NME9: variants seen among roughly 807,000 people sequenced by gnomAD.
The protein encoded by NME9 is thioredoxin domain-containing protein 6.
NME9 carries 48 observed loss-of-function variants against 44.4 expected under a neutral mutation model. The observed-to-expected ratio is 1.08, with a 90% CI of 0.86 to 1.37. The LOEUF is 1.37. Among genes scored for constraint, NME9 ranks in the 40% most tolerant of loss-of-function variants. The pLI is 0.00. For missense variants in NME9, 325 were observed against 405.2 expected, an observed-to-expected ratio of 0.80 and a Z score of 1.70; for synonymous variants, 139 against 147.1, an observed-to-expected ratio of 0.94 and a Z score of 0.40.
chr3:138,280,505 T>C (rs901317872), intron 8 of NME9, among the ~76,000 whole-genome samples: 6 of 144,276 alleles, frequency 4.2e-5, no homozygotes, highest in African/African-American at 1.5e-4. Flanking sequence ...TTCTTTTTTT[T>C]TTTTTTGAGA....
chr3:138,267,081 A>G lies in NME9; in HGVS notation c.746-4495T>C, dbSNP rs2048353468. The G allele has an allele frequency of 3.8e-6, 3 of 780,250 alleles. No individual in the cohort carries two copies. The Admixed American group carries it at 9.5e-5, about 25-fold the overall frequency. The allele number at this position is 780,250 out of a possible 1,614,324, so 48.3% of individuals were successfully genotyped here. ...AAGATAATTGTTCTTGTTTTTATTT[A>G]TATTTTATATCTCATTTTATATCTC... is the stretch of plus-strand genomic sequence containing the variant. On this transcript the variant is annotated intron_variant, in intron 8 of 8. Transcript: ENST00000317876.
chr3:138,299,429 A>C (rs1012171127), downstream of NME9, among the ~76,000 whole-genome samples: 6 of 152,240 alleles, frequency 3.9e-5, no homozygotes, highest in Admixed American at 3.3e-4. Context: ...TCTTAAAGCC[A>C]AAAACAGCAC....
chr3:138,267,444 A>G (rs556573453), intron 8 of NME9, among the ~76,000 whole-genome samples: 5 of 152,316 alleles, frequency 3.3e-5, no homozygotes, highest in South Asian at 2.1e-4. Context: ...TTGTTATTCT[A>G]TCTAACATAT....
intron 8 of NME9, among the ~76,000 whole-genome samples, chr3:138,279,302 C>G (rs570512340): frequency 6.2e-4 from 94 of 152,116 alleles, no homozygotes; most frequent in African/African-American, 2.1e-3. Flanking sequence ...CTTTCTTTTG[C>G]ATCTGTTGAA....
At chr3:138,295,818 C>T in intron 8 of NME9, 4 of 1,610,066 alleles carry the variant, frequency 2.5e-6, no homozygotes, top group East Asian at 2.2e-5. Flanking sequence ...ACCCCAATTA[C>T]AATTCTGAGA....
At chr3:138,300,167 G>A (rs1212371759), downstream of NME9, among the ~76,000 whole-genome samples, 1 of 152,190 alleles carries the variant, frequency 6.6e-6, no homozygotes, top group Non-Finnish European at 1.5e-5. Context: ...ATCCTGTACA[G>A]GTTCCGATGA....
At chr3:138,318,588 G>A (rs1008798281) in intron 3 of NME9, among the ~76,000 whole-genome samples, 23 of 151,826 alleles carry the variant, frequency 1.5e-4, no homozygotes, top group Non-Finnish European at 7.4e-5. Flanking sequence ...GATCCCCCAC[G>A]CAAGCCCTTC....
chr3:138,270,665 T>C (rs1377462355), intron 8 of NME9, among the ~76,000 whole-genome samples: 1 of 152,204 alleles, frequency 6.6e-6, no homozygotes, highest in Non-Finnish European at 1.5e-5. Context: ...AATTAACATG[T>C]GTATTACCTC....
In NME9 at chr3:138,315,596, CA is replaced by C; in HGVS notation, c.314del (p.Leu105ArgfsTer6). The C allele has an allele frequency of 6.5e-7, 1 of 1,536,702 alleles. No individual in the cohort carries two copies. Among genetic ancestry groups the C allele is most frequent in the Non-Finnish European group, 8.7e-7 (1 of 1,147,028 alleles). ...AVVRGANAPL[L>X]QKTILDQLEA... ...CCAGCTGGTCTAGGATGGTTTTCTG[CA>C]GCAGTGGGGCATTTGCTCCTCTAAC... On this transcript the variant is annotated frameshift_variant, in exon 5 of 11. Transcript: ENST00000333911. LOFTEE classifies it high-confidence loss of function.
chr3:138,324,301 G>A (rs765626843), intron 2 of NME9: 2 of 363,614 alleles, frequency 5.5e-6, no homozygotes, highest in Non-Finnish European at 1.1e-5. Context: ...TAACTACCGT[G>A]GTGAGACACT....
intron 8 of NME9, among the ~76,000 whole-genome samples, chr3:138,288,639 T>C (rs1248435781): frequency 6.7e-6 from 1 of 148,596 alleles, no homozygotes; most frequent in Non-Finnish European, 1.5e-5. Context: ...TTCAGACTTT[T>C]TTTTTTTTTT....
chr3:138,291,371 C>T (rs1365763662), intron 8 of NME9, among the ~76,000 whole-genome samples: 3 of 152,226 alleles, frequency 2.0e-5, no homozygotes, highest in Admixed American at 6.5e-5. Context: ...AGCACACCTT[C>T]GTGCATTTAC....
At position 138,279,273 on chromosome 3, in the gene NME9, A is replaced by AT. The variant is rs569898312; in HGVS notation, c.746-16688dup. ...TTTAAACCCCAAACATGAGCCATAG[A>AT]TTTTTTTTCAATCAATTACTTTCTT... On this transcript the variant is annotated intron_variant, in intron 8 of 8. Transcript: ENST00000317876. Among the ~76,000 whole-genome samples, 19 of 152,074 alleles carry AT rather than the reference A, an allele frequency of 1.2e-4. No individual in the cohort carries two copies. In the East Asian group the frequency reaches 2.1e-3, roughly 17 times the overall value.
At chr3:138,263,706 T>G in intron 8 of NME9, 2 of 1,548,822 alleles carry the variant, frequency 1.3e-6, no homozygotes, top group East Asian at 2.2e-5. Flanking sequence ...ACCTTCATGT[T>G]GTTATTTATG....
chr3:138,274,603 T>G, intron 8 of NME9: 1 of 1,262,824 alleles, frequency 7.9e-7, no homozygotes, highest in Non-Finnish European at 1.2e-6. Flanking sequence ...AGGAAGTTCT[T>G]AAGAGTCTCC....
At chr3:138,296,590 A>G (rs1224914007), downstream of NME9, 1 of 152,222 alleles carries the variant, frequency 6.6e-6, no homozygotes, top group East Asian at 1.9e-4. Flanking sequence ...GGCCTGATTA[A>G]CAGGCACTAT....
intron 8 of NME9, chr3:138,272,960 C>A: frequency 1.3e-6 from 2 of 1,558,740 alleles, no homozygotes; most frequent in Admixed American, 4.0e-5. Flanking sequence ...TTCTTTAATC[C>A]TTTCAGAATA....
chr3:138,320,333 A>C (rs2053385611), intron 2 of NME9, among the ~76,000 whole-genome samples: 1 of 152,212 alleles, frequency 6.6e-6, no homozygotes. Flanking sequence ...GTGACATACC[A>C]GTGGCCATAT....
rs142228829 is a variant in NME9, at chr3:138,303,519, C to T, written c.916G>A (p.Glu306Lys). 3 of 1,613,342 alleles carry T rather than the reference C, an allele frequency of 1.9e-6. No homozygotes were observed. The highest frequency in any genetic ancestry group is 1.3e-5 in the African/African-American group (1 of 74,888). Reference sequence around the variant, plus strand: ...CTTGATGACTTACCCTGAGGGGCTTCTGTATCTTTGTCTGAAAATTTCAAA... The same window carrying T: ...CTTGATGACTTACCCTGAGGGGCTTTTGTATCTTTGTCTGAAAATTTCAAA... Reference protein sequence around the residue: ...PSLKFSDKDTEAPQGGEAEAT... With the variant: ...PSLKFSDKDTKAPQGGEAEAT... Residue 306 changes from glutamate to lysine, a missense_variant, in exon 10 of 11, where the codon GAA (glutamate) becomes AAA (lysine). Transcript: ENST00000333911.
Sources: allele counts gnomAD v4.1 joint callset (sites outside exome capture counted in the v4.1 genomes callset), GRCh38; gene constraint gnomAD v4.1.1; transcripts MANE v1.5; gene names NCBI Gene and HGNC (gene_info 2026-07-23, HGNC 2026-07-21).